Variants in ZFAND3 observed in about 807,000 individuals in gnomAD.
The protein encoded by ZFAND3 is zinc finger AN1-type containing 3, also known as AN1-type zinc finger protein 3.
A neutral mutation model predicts 29.6 loss-of-function variants in ZFAND3; 10 were observed. That is an observed-to-expected ratio of 0.34 (90% CI 0.21 to 0.57). The LOEUF (loss-of-function observed/expected upper bound fraction) is 0.57, where lower values mean the gene tolerates loss of function less well. ZFAND3 is among the 20% of genes least tolerant of loss of function. ZFAND3 has a pLI of 0.86. For synonymous variants in ZFAND3, 128 were observed against 112.6 expected (o/e 1.14, Z -0.87); for missense variants, 230 against 304.5 (o/e 0.76, Z 1.82).
At chr6:37,979,717 TC>T (rs1762549049) in intron 2 of ZFAND3, among the ~76,000 whole-genome samples, 1 of 152,192 alleles carries the variant, frequency 6.6e-6, no homozygotes, top group Non-Finnish European at 1.5e-5. Flanking sequence ...GATAGTTTTT[TC>T]GTATGCATGT....
At chr6:38,006,185 TTA>T (rs1471459063) in intron 2 of ZFAND3, among the ~76,000 whole-genome samples, 5 of 152,138 alleles carry the variant, frequency 3.3e-5, no homozygotes, top group East Asian at 1.9e-4. Flanking sequence ...AGTATACAAT[TTA>T]TAGTCTTTTT....
intron 2 of ZFAND3, among the ~76,000 whole-genome samples, chr6:38,051,971 C>T (rs150661309): frequency 6.6e-6 from 1 of 152,240 alleles, no homozygotes; most frequent in East Asian, 1.9e-4. Context: ...AGGAAACAAG[C>T]CTTACTCCAA....
At chr6:38,026,351 A>G (rs1015510090) in intron 2 of ZFAND3, among the ~76,000 whole-genome samples, 15 of 150,096 alleles carry the variant, frequency 1.0e-4, no homozygotes, top group Non-Finnish European at 1.0e-4. Context: ...TCAGAGGATG[A>G]TTACTTAGCC....
At chr6:37,971,283 C>T (rs559161921) in intron 2 of ZFAND3, among the ~76,000 whole-genome samples, 1 of 152,176 alleles carries the variant, frequency 6.6e-6, no homozygotes, top group Non-Finnish European at 1.5e-5. Flanking sequence ...ATATACTGAA[C>T]GCATTTTTAA....
chr6:37,871,767 G>A (rs1764699163), intron 1 of ZFAND3, among the ~76,000 whole-genome samples: 1 of 152,116 alleles, frequency 6.6e-6, no homozygotes, highest in Non-Finnish European at 1.5e-5. Context: ...TTCTTTAAAT[G>A]TCTAGTAATT....
intron 4 of ZFAND3, among the ~76,000 whole-genome samples, chr6:38,115,922 A>G (rs1765408325): frequency 6.6e-6 from 1 of 152,110 alleles, no homozygotes. Context: ...GCACCACCCC[A>G]TGGTGGAGTT....
chr6:38,142,151 C>T (rs1765970399), intron 5 of ZFAND3: 1 of 468,756 alleles, frequency 2.1e-6, no homozygotes, highest in African/African-American at 2.0e-5. Flanking sequence ...AACTAAGTTA[C>T]AGGTCTCTCC....
chr6:38,013,210 A>T (rs1763191799), intron 2 of ZFAND3, among the ~76,000 whole-genome samples: 1 of 152,184 alleles, frequency 6.6e-6, no homozygotes. Context: ...TTTCAACTTC[A>T]CTTGGGGCTT....
rs1166887029 is a variant in ZFAND3, at chr6:38,102,123, TTC to T, written c.362-14445_362-14444del. Among the ~76,000 whole-genome samples the T allele has an allele frequency of 1.3e-5, 2 of 152,152 alleles. 1 individual carries two copies. The highest frequency in any genetic ancestry group is 4.1e-4 in the South Asian group (2 of 4,836). ...CTCCTCCTCTTCTTCCTCCTCTTTC[TTC>T]TCTTTCTCCTCCTCCTCCTTCATCT... is the stretch of plus-strand genomic sequence containing the variant. On this transcript the variant is annotated intron_variant, in intron 4 of 5. Coordinates refer to ENST00000287218, the MANE Select transcript of ZFAND3 (RefSeq NM_021943.3).
intron 2 of ZFAND3, among the ~76,000 whole-genome samples, chr6:37,932,038 A>T (rs923245569): frequency 1.3e-4 from 20 of 152,168 alleles, no homozygotes; most frequent in African/African-American, 4.8e-4. Flanking sequence ...TGGGAGGCCG[A>T]GGTGGGTGGA....
intron 3 of ZFAND3, among the ~76,000 whole-genome samples, chr6:38,075,407 G>T (rs1274180632): frequency 6.6e-6 from 1 of 152,200 alleles, no homozygotes; most frequent in Admixed American, 6.5e-5. Flanking sequence ...AATTGCAGAT[G>T]TGGTGGAAAT....
chr6:38,000,651 C>T (rs1271197594), intron 2 of ZFAND3, among the ~76,000 whole-genome samples: 1 of 152,080 alleles, frequency 6.6e-6, no homozygotes, highest in East Asian at 1.9e-4. Context: ...TCCCACTTGT[C>T]CCTCCCATGA....
intron 1 of ZFAND3, among the ~76,000 whole-genome samples, chr6:37,823,233 T>A (rs777010298): frequency 3.3e-5 from 5 of 152,180 alleles, no homozygotes; most frequent in Non-Finnish European, 7.3e-5. Context: ...GCGAAGTACA[T>A]AGAAGTGAAA....
chr6:37,914,799 C>T (rs986766202), intron 1 of ZFAND3, among the ~76,000 whole-genome samples: 2 of 151,454 alleles, frequency 1.3e-5, no homozygotes, highest in African/African-American at 4.9e-5. Context: ...CCGTGCCTGG[C>T]CAGGTGTGAC....
chr6:38,106,574 AC>A (rs1319318363), intron 4 of ZFAND3, among the ~76,000 whole-genome samples: 7 of 152,180 alleles, frequency 4.6e-5, no homozygotes, highest in Admixed American at 1.3e-4. Flanking sequence ...ACCTTGTCTG[AC>A]TTTTCTCTCA....
intron 2 of ZFAND3, among the ~76,000 whole-genome samples, chr6:38,050,075 C>T (rs1227896789): frequency 6.6e-6 from 1 of 150,576 alleles, no homozygotes; most frequent in Non-Finnish European, 1.5e-5. Context: ...ATGCGTCAGC[C>T]TCCTGAGTAG....
rs558771934 is a variant in ZFAND3 at position 37,893,168 on chromosome 6, T to G, written c.72-36791T>G. On this transcript the variant is annotated intron_variant, in intron 1 of 5. Coordinates refer to ENST00000287218, the MANE Select transcript of ZFAND3 (RefSeq NM_021943.3). ...CATAATCACATTCCAATATCTCTTA[T>G]GAATATGTATGCCAAAATCCTTAAC... Among the ~76,000 whole-genome samples the G allele has an allele frequency of 1.8e-4, 28 of 152,312 alleles. No homozygotes were observed. The South Asian group carries it at 3.3e-3, about 18-fold the overall frequency.
chr6:37,838,913 C>T (rs1764018723), intron 1 of ZFAND3, among the ~76,000 whole-genome samples: 1 of 152,186 alleles, frequency 6.6e-6, no homozygotes, highest in Admixed American at 6.5e-5. Context: ...AGAGCAACTA[C>T]ATTATTTTAC....
At chr6:38,073,970 A>G (rs1322745803) in intron 3 of ZFAND3, among the ~76,000 whole-genome samples, 1 of 152,148 alleles carries the variant, frequency 6.6e-6, no homozygotes, top group Non-Finnish European at 1.5e-5. Context: ...AGACTGGGAA[A>G]CCCTTTTACT....
Sources: gnomAD v4.1 joint callset for allele counts (sites outside exome capture counted in the v4.1 genomes callset) on GRCh38, gnomAD v4.1.1 for gene constraint, MANE v1.5 for transcripts, NCBI Gene and HGNC (gene_info 2026-07-23, HGNC 2026-07-21) for gene names.